The following CELF2 variants were observed in gnomAD, a reference collection of about 807,000 sequenced individuals.
CELF2 encodes CUGBP Elav-like family member 2.
Under a neutral mutation model 62.6 loss-of-function variants are expected in CELF2, and 8 were observed. That is an observed-to-expected ratio of 0.13 (90% CI 0.07 to 0.23). The LOEUF is 0.23. Among genes scored for constraint, CELF2 ranks in the 10% least tolerant of loss-of-function variants. The pLI is 1.00. For missense variants in CELF2, 333 were observed against 671.0 expected, an observed-to-expected ratio of 0.50 and a Z score of 5.56; for synonymous variants, 258 against 250.0, an observed-to-expected ratio of 1.03 and a Z score of -0.30.
intron 1 of CELF2, among the ~76,000 whole-genome samples, chr10:11,086,604 A>C (rs1011838584): frequency 6.9e-5 from 8 of 116,044 alleles, no homozygotes; most frequent in South Asian, 2.4e-4. Flanking sequence ...AAAAAAAAAA[A>C]AAAAAACTCC....
At chr10:11,052,293 G>A (rs2064103864) in intron 1 of CELF2, among the ~76,000 whole-genome samples, 1 of 152,198 alleles carries the variant, frequency 6.6e-6, no homozygotes, top group African/African-American at 2.4e-5. Context: ...AGGGAAGTCT[G>A]AGAAGACAAC....
the CELF2 span, among the ~76,000 whole-genome samples, chr10:10,650,017 C>T: frequency 1.3e-5 from 2 of 152,130 alleles, no homozygotes; most frequent in Non-Finnish European, 2.9e-5. Context: ...TGTGGATGGA[C>T]TAGGACTTTG....
At chr10:10,697,659 A>G in the CELF2 span, among the ~76,000 whole-genome samples, 2 of 152,240 alleles carry the variant, frequency 1.3e-5, no homozygotes, top group Admixed American at 6.5e-5. Flanking sequence ...TCACATGGCA[A>G]AAGGACGCTA....
chr10:10,841,881 G>C (rs1362774968), intron 1 of CELF2, among the ~76,000 whole-genome samples: 1 of 151,968 alleles, frequency 6.6e-6, no homozygotes, highest in Non-Finnish European at 1.5e-5. Flanking sequence ...ATCAAATTGG[G>C]AACAACTGAC....
chr10:11,230,647 C>T (rs2068305934), intron 3 of CELF2, among the ~76,000 whole-genome samples: 1 of 152,212 alleles, frequency 6.6e-6, no homozygotes, highest in Non-Finnish European at 1.5e-5. Context: ...GTTTTTCCAG[C>T]ATCCTTGAAT....
At chr10:10,622,338 G>A in the CELF2 span, among the ~76,000 whole-genome samples, 1 of 152,172 alleles carries the variant, frequency 6.6e-6, no homozygotes. Flanking sequence ...GCCAGGTATG[G>A]TGGCTCACGC....
At chr10:10,549,318 C>G in the CELF2 span, among the ~76,000 whole-genome samples, 1 of 152,184 alleles carries the variant, frequency 6.6e-6, no homozygotes, top group Non-Finnish European at 1.5e-5. Context: ...GAGTCTTGCT[C>G]TGTCACCCAG....
intron 2 of CELF2, among the ~76,000 whole-genome samples, chr10:10,955,444 C>T (rs891921683): frequency 1.3e-5 from 2 of 152,192 alleles, no homozygotes; most frequent in Admixed American, 6.5e-5. Flanking sequence ...AGAGCTTTTG[C>T]ATATGGTTAT....
chr10:10,809,880 C>T lies in CELF2; in HGVS notation c.53+11063C>T, dbSNP rs139856629. Among the ~76,000 whole-genome samples the T allele has an allele frequency of 1.2e-3, 186 of 152,210 alleles. 2 individuals are homozygous for T. Among genetic ancestry groups the T allele is most frequent in the Middle Eastern group, 6.8e-3 (2 of 294 alleles). On this transcript the variant is annotated intron_variant, in intron 1 of 13. Coordinates refer to the CELF2 transcript ENST00000636488. ...AACTCAAGAAAAACAAAAATTTATT[C>T]TCACGTTATATTTAATGTTGACAAC...
chr10:11,181,979 A>G (rs1276132702), intron 2 of CELF2, among the ~76,000 whole-genome samples: 1 of 152,232 alleles, frequency 6.6e-6, no homozygotes, highest in Non-Finnish European at 1.5e-5. Context: ...AGCATGAAAA[A>G]ATATTGTTTC....
At chr10:10,714,076 T>C in the CELF2 span, among the ~76,000 whole-genome samples, 2 of 152,030 alleles carry the variant, frequency 1.3e-5, no homozygotes, top group African/African-American at 2.4e-5. Flanking sequence ...TAGATGGACT[T>C]TGAGAGCAAT....
chr10:11,230,167 C>G (rs1407819159), intron 3 of CELF2, among the ~76,000 whole-genome samples: 2 of 152,198 alleles, frequency 1.3e-5, no homozygotes, highest in Admixed American at 1.3e-4. Flanking sequence ...TGCATTTGAA[C>G]TAGATCCCTG....
chr10:11,078,806 G>A (rs2072974835), intron 1 of CELF2, among the ~76,000 whole-genome samples: 1 of 152,104 alleles, frequency 6.6e-6, no homozygotes, highest in African/African-American at 2.4e-5. Context: ...CTAAACCTTT[G>A]GCTGTCCAGT....
chr10:10,752,329 A>G, the CELF2 span, among the ~76,000 whole-genome samples: 1 of 152,182 alleles, frequency 6.6e-6, no homozygotes, highest in African/African-American at 2.4e-5. Context: ...GCAGCTTTTA[A>G]ATAAAGCTGG....
the CELF2 span, among the ~76,000 whole-genome samples, chr10:10,632,671 C>T: frequency 9.2e-5 from 14 of 152,068 alleles, no homozygotes; most frequent in Non-Finnish European, 1.3e-4. Flanking sequence ...TGTCGGTGTT[C>T]GCTAGTCTTT....
At chr10:11,274,747 G>T (rs1402020143) in intron 7 of CELF2, among the ~76,000 whole-genome samples, 1 of 152,214 alleles carries the variant, frequency 6.6e-6, no homozygotes, top group Non-Finnish European at 1.5e-5. Flanking sequence ...GTAACTGCTA[G>T]ACTACAGAGA....
chr10:11,331,794 TTTC>T lies in CELF2; in HGVS notation c.*2745_*2747del, dbSNP rs1430893010. On this transcript the variant is annotated 3_prime_UTR_variant, in exon 13 of 13. Transcript: ENST00000633077. ...CTGTGAAGGCAACCTCACCATGTAT[TTTC>T]TTCATAATCTATGGAAACCTCTAAG... 5 of 152,570 alleles carry T rather than the reference TTTC, an allele frequency of 3.3e-5. No individual in the cohort carries two copies. Among genetic ancestry groups the T allele is most frequent in the Admixed American group, 3.3e-4 (5 of 15,282 alleles). 9.5% of individuals were successfully genotyped at this position (152,570 alleles called of 1,614,324 possible).
At chr10:10,571,805 G>A in the CELF2 span, among the ~76,000 whole-genome samples, 2 of 152,188 alleles carry the variant, frequency 1.3e-5, no homozygotes, top group Non-Finnish European at 2.9e-5. Context: ...TAAAAATTTA[G>A]AAGTGAAGTA....
chr10:11,068,328 C>G (rs1201094186), intron 1 of CELF2, among the ~76,000 whole-genome samples: 3 of 152,138 alleles, frequency 2.0e-5, no homozygotes, highest in African/African-American at 7.2e-5. Context: ...CAAGTTTGAC[C>G]TAATCAGGGA....
Sources: gnomAD v4.1 joint callset for allele counts (sites outside exome capture counted in the v4.1 genomes callset) on GRCh38, gnomAD v4.1.1 for gene constraint, MANE v1.5 for transcripts, NCBI Gene and HGNC (gene_info 2026-07-23, HGNC 2026-07-21) for gene names.